Variants in NUDC observed in about 807,000 individuals in gnomAD.
The protein encoded by NUDC is nuclear distribution C, dynein complex regulator, also known as nuclear migration protein nudC.
Under a neutral mutation model 45.0 loss-of-function variants are expected in NUDC, and 14 were observed. The ratio of observed to expected loss-of-function variants is 0.31; its 90% CI spans 0.21 to 0.49. NUDC has a LOEUF of 0.49. Among genes scored for constraint, NUDC ranks in the 20% least tolerant of loss-of-function variants. NUDC has a pLI of 0.99. For missense variants in NUDC, 323 were observed against 426.2 expected, an observed-to-expected ratio of 0.76 and a Z score of 2.13; for synonymous variants, 153 against 156.7, an observed-to-expected ratio of 0.98 and a Z score of 0.17.
intron 3 of NUDC, chr1:26,911,535 T>G (rs2082026299): frequency 2.5e-6 from 1 of 404,340 alleles, no homozygotes; most frequent in Non-Finnish European, 4.7e-6. Flanking sequence ...AATTCAGTTC[T>G]GTATAAAGTC....
chr1:26,909,354 G>A (rs569913558), intron 2 of NUDC, among the ~76,000 whole-genome samples: 6 of 152,250 alleles, frequency 3.9e-5, no homozygotes, highest in East Asian at 3.9e-4. Context: ...CTGGGCTCAA[G>A]CGATCCTATC....
At chr1:26,920,231 T>C (rs1183545404), upstream of NUDC, among the ~76,000 whole-genome samples, 1 of 152,186 alleles carries the variant, frequency 6.6e-6, no homozygotes, top group Non-Finnish European at 1.5e-5. Context: ...GGCTCATGCC[T>C]GTAATCCTAG....
intron 8 of NUDC, among the ~76,000 whole-genome samples, 153 bp downstream of exon 8, chr1:26,945,839 T>TTG (rs2082313743): frequency 6.6e-6 from 1 of 152,212 alleles, no homozygotes; most frequent in Admixed American, 6.5e-5. Flanking sequence ...TTGCCTACTC[T>TTG]TGTCATTTGC....
Position 26,916,071 on chromosome 1 carries a change from G to C in NUDC, c.93+4836G>C, listed in dbSNP as rs570113909. Among the ~76,000 whole-genome samples, 4 of 152,110 alleles carry C rather than the reference G, an allele frequency of 2.6e-5. No individual in the cohort carries two copies. The East Asian group carries it at 7.7e-4, about 29-fold the overall frequency. On this transcript the variant is annotated intron_variant, in intron 3 of 6. Transcript: ENST00000435827. ...TGGTTTTATGGGGCCTGAAGGTTACGATTTGGAGGACCCTCTTTAAGAATA... is the reference window on the plus strand; with the variant it reads ...TGGTTTTATGGGGCCTGAAGGTTACCATTTGGAGGACCCTCTTTAAGAATA...
chr1:26,928,862 G>A (rs940451210), intron 2 of NUDC, among the ~76,000 whole-genome samples: 2 of 152,140 alleles, frequency 1.3e-5, no homozygotes, highest in East Asian at 1.9e-4. Context: ...ACGTTATGGC[G>A]GTTTCTCAGA....
At chr1:26,900,303 A>C in exon 1 of NUDC, 1 of 1,613,964 alleles carries the variant, frequency 6.2e-7, no homozygotes, top group Non-Finnish European at 8.5e-7. Context: ...CCGGTAGTGG[A>C]AACAGAGGAA....
chr1:26,913,929 G>T (rs767766284), intron 3 of NUDC: 1 of 1,476,530 alleles, frequency 6.8e-7, no homozygotes, highest in Non-Finnish European at 9.0e-7. Context: ...CCCCTGGTTG[G>T]CTGGTGCTCA....
intron 2 of NUDC, among the ~76,000 whole-genome samples, chr1:26,932,463 G>A (rs950919524): frequency 2.0e-5 from 3 of 152,002 alleles, no homozygotes; most frequent in Non-Finnish European, 4.4e-5. Context: ...ACAGGTGTGA[G>A]CCACTGCGCC....
chr1:26,943,302 G>T (rs1239542947), intron 6 of NUDC, among the ~76,000 whole-genome samples: 1 of 152,042 alleles, frequency 6.6e-6, no homozygotes, highest in East Asian at 1.9e-4. Context: ...TGAACCCTTG[G>T]GCCCAAGCAA....
chr1:26,916,515 A>G (rs1361313157), intron 3 of NUDC, among the ~76,000 whole-genome samples: 1 of 152,224 alleles, frequency 6.6e-6, no homozygotes, highest in Non-Finnish European at 1.5e-5. Flanking sequence ...GCCTGCTTCC[A>G]TAATTCCTGG....
In NUDC at chr1:26,942,911, A is replaced by G; in HGVS notation, c.587A>G (p.Lys196Arg). The G allele has an allele frequency of 1.2e-6, 2 of 1,613,946 alleles. No individual in the cohort carries two copies. Among genetic ancestry groups the G allele is most frequent in the East Asian group, 4.5e-5 (2 of 44,884 alleles). ...PFCVNFRLKG[K>R]DMVVDIQRRH... ...TGTGTGAACTTCCGGCTGAAAGGGA[A>G]GGACATGGTGGTGGACATCCAGCGG... is the stretch of plus-strand genomic sequence containing the variant. The change falls in exon 6 of 9, where the codon AAG (lysine) becomes AGG (arginine). Residue 196 changes from lysine to arginine, a missense_variant. Lys to Arg is a conservative substitution (Grantham distance 26). This residue lies in a region of NUDC where 245 missense variants were observed against 278.8 expected (regional missense o/e 0.88). Transcript: ENST00000321265.
intron 2 of NUDC, among the ~76,000 whole-genome samples, chr1:26,939,654 G>T (rs1189570132): frequency 6.6e-6 from 1 of 152,060 alleles, no homozygotes; most frequent in Non-Finnish European, 1.5e-5. Context: ...TCAGGGTCAC[G>T]CAGGTAAGAG....
At chr1:26,915,005 G>T (rs28495965) in intron 3 of NUDC, among the ~76,000 whole-genome samples, 5 of 105,734 alleles carry the variant, frequency 4.7e-5, no homozygotes, top group Admixed American at 1.3e-4. Flanking sequence ...ATATGTATAT[G>T]TATATGTATA....
rs749632774 is a variant in NUDC at position 26,900,330 on chromosome 1, T to C, written c.-171T>C. The C allele has an allele frequency of 7.7e-5, 125 of 1,614,004 alleles. No individual in the cohort carries two copies. In the Admixed American group the frequency reaches 2.0e-3, roughly 26 times the overall value. On this transcript the variant is annotated 5_prime_UTR_variant, in exon 1 of 7. Transcript: ENST00000435827. ...ACAGAGGAAGCCACCGCCGCGCTCT[T>C]CTCGGAACTGGCTAAAATAGCTCCG...
intron 3 of NUDC, among the ~76,000 whole-genome samples, chr1:26,913,142 C>T (rs751001858): frequency 2.4e-4 from 36 of 151,990 alleles, no homozygotes; most frequent in Admixed American, 3.9e-4. Flanking sequence ...AAAAATTAGC[C>T]GGGAGTGGTG....
upstream of NUDC, chr1:26,900,236 G>T: frequency 1.2e-6 from 2 of 1,614,138 alleles, no homozygotes; most frequent in Non-Finnish European, 1.7e-6. Context: ...CGGCTGGGTC[G>T]GTAGGAATTA....
At chr1:26,943,096 G>A (rs1245158237) in intron 6 of NUDC, 31 bp downstream of exon 6, 1 of 1,611,306 alleles carries the variant, frequency 6.2e-7, no homozygotes, top group Non-Finnish European at 8.5e-7. Flanking sequence ...CTAGCCTGGG[G>A]TGTTGATGGA....
upstream of NUDC, chr1:26,921,723 T>C (rs1570721151): frequency 4.8e-6 from 5 of 1,038,862 alleles, no homozygotes; most frequent in South Asian, 1.4e-5. Context: ...GCCGCGCGCG[T>C]GCGTGTTTCC....
intron 2 of NUDC, among the ~76,000 whole-genome samples, chr1:26,930,647 C>T (rs981311114): frequency 2.0e-5 from 3 of 150,322 alleles, no homozygotes; most frequent in African/African-American, 7.4e-5. Context: ...GAGTTTGAGG[C>T]TGCAGTGACC....
Sources: allele counts gnomAD v4.1 joint callset (sites outside exome capture counted in the v4.1 genomes callset), GRCh38; gene constraint gnomAD v4.1.1; regional missense constraint gnomAD v4.1.1; transcripts MANE v1.5; gene names NCBI Gene and HGNC (gene_info 2026-07-23, HGNC 2026-07-21).